CACNA1I: variants seen among roughly 807,000 people sequenced by gnomAD.
CACNA1I encodes the protein voltage-dependent T-type calcium channel subunit alpha-1I.
In CACNA1I, 74 loss-of-function variants were observed where a neutral mutation model predicts 201.6. That is an observed-to-expected ratio of 0.37 (90% confidence interval 0.30 to 0.45). The LOEUF (loss-of-function observed/expected upper bound fraction) is 0.45, where lower values mean the gene tolerates loss of function less well. Ranked by LOEUF, CACNA1I falls within the 20% of genes least tolerant of loss-of-function variation. The pLI is 1.00. For synonymous variants in CACNA1I, 1,431 were observed against 1,345.2 expected (o/e 1.06, Z -1.40); for missense variants, 2,346 against 3,138.1 (o/e 0.75, Z 6.03).
intron 4 of CACNA1I, among the ~76,000 whole-genome samples, chr22:39,630,953 C>A (rs1444258510): frequency 6.6e-6 from 1 of 151,720 alleles, no homozygotes; most frequent in Non-Finnish European, 1.5e-5. Context: ...AGGCTGGTGC[C>A]GCAGGTTCAG....
intron 4 of CACNA1I, among the ~76,000 whole-genome samples, chr22:39,624,986 G>T (rs543371566): frequency 6.9e-6 from 1 of 144,566 alleles, no homozygotes; most frequent in Admixed American, 7.1e-5. Flanking sequence ...TTGGCTCACT[G>T]CAACCTCCAC....
At position 39,620,743 on chromosome 22, in the gene CACNA1I, T is replaced by A. The variant is rs563532072; in HGVS notation, c.580+1336T>A. On this transcript the variant is annotated intron_variant, in intron 4 of 36. Transcript: ENST00000402142. ...TCCTGGTTTTTTTTTGTTGTTGTTG[T>A]TTGTTTGTTTGTTTGTTTGTTTTTT... Among the ~76,000 whole-genome samples the A allele has an allele frequency of 3.7e-4, 48 of 128,726 alleles. No homozygotes were observed. In the East Asian group the frequency reaches 0.032, roughly 85 times the overall value. The allele number at this position is 128,726 out of a possible 152,430, so 84.4% of individuals were successfully genotyped here. A position where few individuals can be genotyped will look rare whatever the true frequency, so the allele number is the denominator to read the frequency against.
chr22:39,601,483 G>A (rs1278906170), intron 3 of CACNA1I, among the ~76,000 whole-genome samples: 1 of 152,216 alleles, frequency 6.6e-6, no homozygotes, highest in Non-Finnish European at 1.5e-5. Flanking sequence ...CGGGAGAGCT[G>A]AAGGATGAGG....
intron 1 of CACNA1I, among the ~76,000 whole-genome samples, chr22:39,591,454 A>G (rs1355336733): frequency 2.0e-5 from 3 of 151,446 alleles, no homozygotes; most frequent in Non-Finnish European, 4.4e-5. Context: ...GAGCCACGGC[A>G]CCCGGCCTGG....
chr22:39,670,085 C>T lies in CACNA1I; in HGVS notation c.4242C>T (p.Phe1414=), dbSNP rs777264156. 1.9e-6 allele frequency: 3 copies of T among 1,613,362 alleles called. No homozygotes were observed. Among genetic ancestry groups the T allele is most frequent in the Non-Finnish European group, 1.7e-6 (2 of 1,179,876 alleles). The part of the protein sequence containing the change: ...NPWMLLYFIS[F]LLIVSFFVLN... Reference sequence around the variant, plus strand: ...GGATGCTGCTGTACTTCATCTCCTTCCTGCTCATCGTCAGCTTCTTTGTGC... The same window carrying T: ...GGATGCTGCTGTACTTCATCTCCTTTCTGCTCATCGTCAGCTTCTTTGTGC... Residue 1414 remains phenylalanine, a synonymous_variant, in exon 25 of 37, where the codon TTC becomes TTT. Coordinates refer to ENST00000402142, the MANE Select transcript of CACNA1I (RefSeq NM_021096.4).
intron 4 of CACNA1I, among the ~76,000 whole-genome samples, chr22:39,622,919 T>G (rs1048529053): frequency 6.6e-5 from 10 of 152,100 alleles, no homozygotes; most frequent in Non-Finnish European, 1.2e-4. Context: ...GGGACCATGG[T>G]CACACTCCAG....
chr22:39,632,641 G>T, intron 4 of CACNA1I, among the ~76,000 whole-genome samples: 1 of 152,308 alleles, frequency 6.6e-6, no homozygotes, highest in East Asian at 1.9e-4. Context: ...GATTCCCCAT[G>T]TGCCCAACGC....
In CACNA1I at chr22:39,635,511, T is replaced by C. The variant is rs1442912201; in HGVS notation, c.740+787T>C. Among the ~76,000 whole-genome samples the C allele has an allele frequency of 2.0e-5, 3 of 152,110 alleles. 1 individual carries two copies. Among genetic ancestry groups the C allele is most frequent in the Middle Eastern group, 6.8e-3 (2 of 294 alleles). Reference sequence around the variant, plus strand: ...GGCTAGTTTCTCCCTCCCGGCCTGGTTGGGGAGAGGGTAGCAGAGCTGGAG... The same window carrying C: ...GGCTAGTTTCTCCCTCCCGGCCTGGCTGGGGAGAGGGTAGCAGAGCTGGAG... On this transcript the variant is annotated intron_variant, in intron 5 of 36. Coordinates refer to ENST00000402142, the MANE Select transcript of CACNA1I (RefSeq NM_021096.4).
intron 3 of CACNA1I, among the ~76,000 whole-genome samples, chr22:39,616,354 C>G (rs1406590879): frequency 2.6e-5 from 4 of 152,196 alleles, no homozygotes; most frequent in Admixed American, 2.6e-4. Context: ...AAGTTACTAA[C>G]TGGGTCATCG....
intron 3 of CACNA1I, among the ~76,000 whole-genome samples, chr22:39,607,208 C>T (rs1481987694): frequency 6.6e-6 from 1 of 152,220 alleles, no homozygotes; most frequent in Non-Finnish European, 1.5e-5. Context: ...ATCTGAAAGA[C>T]TTCGCAAGCT....
intron 3 of CACNA1I, among the ~76,000 whole-genome samples, chr22:39,603,795 C>T (rs1286204640): frequency 2.0e-5 from 3 of 152,126 alleles, no homozygotes; most frequent in Non-Finnish European, 4.4e-5. Context: ...GGAAAACAGA[C>T]ATCGGAGAAA....
At chr22:39,576,141 C>A (rs142354883) in intron 1 of CACNA1I, among the ~76,000 whole-genome samples, 1 of 152,336 alleles carries the variant, frequency 6.6e-6, no homozygotes, top group Non-Finnish European at 1.5e-5. Context: ...GTTGCACTCA[C>A]TTCCTTTTCC....
intron 4 of CACNA1I, among the ~76,000 whole-genome samples, chr22:39,625,534 T>G (rs1036743716): frequency 1.3e-5 from 2 of 152,186 alleles, no homozygotes; most frequent in East Asian, 3.9e-4. Flanking sequence ...CTGGATTAAA[T>G]ACGTGGCTCT....
chr22:39,585,652 T>TCAG (rs1569048091), intron 1 of CACNA1I, among the ~76,000 whole-genome samples: 1 of 138,764 alleles, frequency 7.2e-6, no homozygotes, highest in African/African-American at 2.7e-5. Flanking sequence ...CCTCCCAAAG[T>TCAG]GCTGGGTGAG....
At chr22:39,587,237 TG>T in intron 1 of CACNA1I, among the ~76,000 whole-genome samples, 1 of 152,126 alleles carries the variant, frequency 6.6e-6, no homozygotes, top group South Asian at 2.1e-4. Flanking sequence ...TTCCAAGAAG[TG>T]GGGCTGGCGT....
chr22:39,657,537 G>A (rs1431846197), intron 10 of CACNA1I, among the ~76,000 whole-genome samples: 1 of 152,222 alleles, frequency 6.6e-6, no homozygotes, highest in Non-Finnish European at 1.5e-5. Flanking sequence ...GTTCTGCATG[G>A]GCGGGGGTTA....
chr22:39,585,399 T>TTC lies in CACNA1I; in HGVS notation c.237-12751_237-12750insCT, dbSNP rs1932715747. ...CTTTCTTTCTTTCTTTTTTTTTTTTTTTTTTTTTGAGACTGAGTCTCCCTC... is the reference window on the plus strand; with the variant it reads ...CTTTCTTTCTTTCTTTTTTTTTTTTTTCTTTTTTTTGAGACTGAGTCTCCCTC... On this transcript the variant is annotated intron_variant, in intron 1 of 36. Coordinates refer to ENST00000402142, the MANE Select transcript of CACNA1I (RefSeq NM_021096.4). 2.1e-5 allele frequency among the ~76,000 whole-genome samples: 3 copies of TTC among 141,672 alleles called. No homozygotes were observed. The Admixed American group carries it at 2.1e-4, about 10-fold the overall frequency. The allele number at this position is 141,672 out of a possible 152,430, so 92.9% of individuals were successfully genotyped here. A position where few individuals can be genotyped will look rare whatever the true frequency, so the allele number is the denominator to read the frequency against.
At position 39,624,304 on chromosome 22, in the gene CACNA1I, G is replaced by T. The variant is rs551387142; in HGVS notation, c.580+4897G>T. Among the ~76,000 whole-genome samples, 14 of 152,224 alleles carry T rather than the reference G, an allele frequency of 9.2e-5. 1 individual carries two copies. The South Asian group carries it at 2.9e-3, about 32-fold the overall frequency. On this transcript the variant is annotated intron_variant, in intron 4 of 36. Transcript: ENST00000402142. ...TTCATTAAGCTGCTCCCCGGAGGTG[G>T]AGGACACTCCCGGTCCCCAGCACCA...
At chr22:39,589,098 T>A (rs1027220211) in intron 1 of CACNA1I, among the ~76,000 whole-genome samples, 1 of 152,174 alleles carries the variant, frequency 6.6e-6, no homozygotes, top group Non-Finnish European at 1.5e-5. Context: ...GATGCCGGTG[T>A]CCTATCCCCT....
Sources: gnomAD v4.1 joint callset for allele counts (sites outside exome capture counted in the v4.1 genomes callset) on GRCh38, gnomAD v4.1.1 for gene constraint, MANE v1.5 for transcripts, NCBI Gene and HGNC (gene_info 2026-07-23, HGNC 2026-07-21) for gene names.